The following DOCK9 variants were observed in gnomAD, a reference collection of about 807,000 sequenced individuals.
DOCK9 encodes the protein dedicator of cytokinesis protein 9.
In DOCK9, 89 loss-of-function variants were observed where a neutral mutation model predicts 263.3. That is an observed-to-expected ratio of 0.34 (90% CI 0.28 to 0.40). The LOEUF is 0.40. Ranked by LOEUF, DOCK9 falls within the 10% of genes least tolerant of loss-of-function variation. DOCK9 has a pLI of 1.00. For missense variants in DOCK9, 2,140 were observed against 2,603.4 expected, an observed-to-expected ratio of 0.82 and a Z score of 3.87; for synonymous variants, 976 against 973.1, an observed-to-expected ratio of 1.00 and a Z score of -0.06.
At chr13:98,978,714 T>C (rs183283689), upstream of DOCK9, among the ~76,000 whole-genome samples, 470 of 152,264 alleles carry the variant, frequency 3.1e-3, 1 homozygote, top group Non-Finnish European at 4.8e-3. Flanking sequence ...ATACTAAAAG[T>C]ATAAGGTAGA....
At chr13:98,808,221 G>A (rs1365803171) in intron 47 of DOCK9, among the ~76,000 whole-genome samples, 2 of 152,132 alleles carry the variant, frequency 1.3e-5, no homozygotes, top group African/African-American at 2.4e-5. Context: ...AGGATTTTAT[G>A]GCATGAACTG....
intron 48 of DOCK9, among the ~76,000 whole-genome samples, chr13:98,805,823 G>A (rs566741540): frequency 2.2e-4 from 33 of 152,072 alleles, no homozygotes; most frequent in Admixed American, 6.5e-4. Context: ...GTGCAATGGC[G>A]CGATCTCAGC....
At chr13:99,066,108 G>A (rs1256814747) in intron 1 of DOCK9, among the ~76,000 whole-genome samples, 1 of 152,070 alleles carries the variant, frequency 6.6e-6, no homozygotes, top group Non-Finnish European at 1.5e-5. Flanking sequence ...ACTAAACAAA[G>A]ATCAAGGCTA....
At chr13:98,965,907 C>T (rs1275206218) in intron 1 of DOCK9, among the ~76,000 whole-genome samples, 3 of 152,174 alleles carry the variant, frequency 2.0e-5, no homozygotes, top group African/African-American at 7.2e-5. Context: ...TAAACACTAA[C>T]ACGATGTTGA....
At chr13:99,028,636 C>A (rs1036683130) in intron 1 of DOCK9, among the ~76,000 whole-genome samples, 1 of 152,134 alleles carries the variant, frequency 6.6e-6, no homozygotes, top group Non-Finnish European at 1.5e-5. Flanking sequence ...CTTACCTCTA[C>A]AATTTAACTC....
At chr13:99,046,204 A>T (rs1306487417) in intron 1 of DOCK9, among the ~76,000 whole-genome samples, 1 of 152,178 alleles carries the variant, frequency 6.6e-6, no homozygotes, top group Admixed American at 6.5e-5. Flanking sequence ...CCCAACACTG[A>T]GCCCAGGCTC....
At chr13:99,026,562 C>T (rs1886752234) in intron 1 of DOCK9, among the ~76,000 whole-genome samples, 1 of 152,188 alleles carries the variant, frequency 6.6e-6, no homozygotes, top group Non-Finnish European at 1.5e-5. Flanking sequence ...TTTGTCTGGT[C>T]AATAACTGGT....
intron 45 of DOCK9, among the ~76,000 whole-genome samples, chr13:98,815,367 C>G (rs1271968299): frequency 6.6e-6 from 1 of 152,202 alleles, no homozygotes; most frequent in Non-Finnish European, 1.5e-5. Context: ...GGGCATGGAA[C>G]TTTTCCCATT....
At chr13:98,857,853 C>T (rs1377956125) in intron 33 of DOCK9, 4 of 152,212 alleles carry the variant, frequency 2.6e-5, no homozygotes, top group African/African-American at 4.8e-5. Flanking sequence ...CAGGTAAAAA[C>T]CCTGTGAAAA....
chr13:98,984,130 C>T lies in DOCK9; in HGVS notation c.130-28579G>A, dbSNP rs868415350. ...GTTCACCTAGTTCTCAGAAAAGGGA[C>T]CATTGGAAGGTCCTTCACTCATAGA... On this transcript the variant is annotated intron_variant, in intron 1 of 32. Transcript: ENST00000427887. Among the ~76,000 whole-genome samples, 6 of 152,230 alleles carry T rather than the reference C, an allele frequency of 3.9e-5. No individual in the cohort carries two copies. The South Asian group carries it at 1.0e-3, about 26-fold the overall frequency.
chr13:99,037,024 T>A (rs149564050), intron 1 of DOCK9, among the ~76,000 whole-genome samples: 4,099 of 152,294 alleles, frequency 0.027, 89 homozygotes, highest in Middle Eastern at 0.044. Context: ...CAGACTCTGA[T>A]GGATTTTTTA....
intron 15 of DOCK9, among the ~76,000 whole-genome samples, chr13:98,896,183 C>G (rs2047397662): frequency 6.6e-6 from 1 of 152,216 alleles, no homozygotes; most frequent in Admixed American, 6.5e-5. Flanking sequence ...TCAAGACAGT[C>G]AAAAACTGTA....
intron 22 of DOCK9, among the ~76,000 whole-genome samples, chr13:98,883,438 G>T (rs1418519487): frequency 6.6e-6 from 1 of 152,138 alleles, no homozygotes; most frequent in Non-Finnish European, 1.5e-5. Context: ...GTAGAGACAA[G>T]GTTTTGCCAT....
intron 1 of DOCK9, among the ~76,000 whole-genome samples, chr13:99,073,360 T>TTTTCTCTCTCTCCTCTC (rs2041770675): frequency 7.1e-6 from 1 of 141,300 alleles, no homozygotes; most frequent in Non-Finnish European, 1.5e-5. Flanking sequence ...TCTTCTTCTT[T>TTTTCTCTCTCTCCTCTC]TCTCTCTCTC....
intron 44 of DOCK9, 141 bp from the exon 45 acceptor site, chr13:98,824,645 C>T (rs1178195611): frequency 4.9e-5 from 34 of 694,808 alleles, no homozygotes; most frequent in Non-Finnish European, 6.8e-5. Context: ...CCAGCATTCA[C>T]GGGGGTACCT....
chr13:98,851,603 T>C (rs2093572986), intron 35 of DOCK9, among the ~76,000 whole-genome samples: 1 of 152,086 alleles, frequency 6.6e-6, no homozygotes, highest in South Asian at 2.1e-4. Flanking sequence ...AAGAGGGAAA[T>C]GGCACAAGAA....
intron 1 of DOCK9, among the ~76,000 whole-genome samples, chr13:99,048,679 G>A (rs572944287): frequency 1.8e-4 from 28 of 152,276 alleles, no homozygotes; most frequent in African/African-American, 6.7e-4. Context: ...TTTCTGCTAT[G>A]ACAAATGGGG....
At chr13:98,942,423 A>G (rs1240454092) in intron 2 of DOCK9, among the ~76,000 whole-genome samples, 1 of 151,862 alleles carries the variant, frequency 6.6e-6, no homozygotes, top group Non-Finnish European at 1.5e-5. Context: ...TATTTTAAGT[A>G]GAGATGGGGT....
Position 98,800,467 on chromosome 13 carries a change from A to G in DOCK9, c.5737T>C (p.Phe1913Leu). Residue 1913 changes from phenylalanine to leucine, a missense_variant, in exon 50 of 53, where the codon TTC becomes CTC. Physicochemically the swap from Phe to Leu is conservative, Grantham distance 22. Coordinates refer to ENST00000682017, the MANE Select transcript of DOCK9 (RefSeq NM_001366683.2). The part of the protein sequence containing the change: ...RRTILTAIHC[F>L]PYVKKRIPVM... ...GGGATGCGCTTCTTCACATAAGGGA[A>G]GCAGTGTATGGCTGCAGAGGGTAAG... The G allele has an allele frequency of 6.2e-7, 1 of 1,613,994 alleles. No individual in the cohort carries two copies. Among genetic ancestry groups the G allele is most frequent in the Non-Finnish European group, 8.5e-7 (1 of 1,179,860 alleles).
Sources: allele counts gnomAD v4.1 joint callset (sites outside exome capture counted in the v4.1 genomes callset), GRCh38; gene constraint gnomAD v4.1.1; transcripts MANE v1.5; gene names NCBI Gene and HGNC (gene_info 2026-07-23, HGNC 2026-07-21).